CFTR: variants seen among roughly 807,000 people sequenced by gnomAD.
CFTR encodes CF transmembrane conductance regulator, also known as cystic fibrosis transmembrane conductance regulator.
CFTR carries 181 observed loss-of-function variants against 171.6 expected under a neutral mutation model. That is an observed-to-expected ratio of 1.05 (90% CI 0.93 to 1.19). CFTR has a LOEUF of 1.19. Among genes scored for constraint, CFTR ranks in the 50% most tolerant of loss-of-function variants. The probability of loss-of-function intolerance (pLI) is 0.00; values close to 1 mark genes in which losing one functional copy is unlikely to be tolerated. For missense variants in CFTR, 1,968 were observed against 1,734.7 expected, an observed-to-expected ratio of 1.13 and a Z score of -2.39; for synonymous variants, 583 against 608.0, an observed-to-expected ratio of 0.96 and a Z score of 0.60.
intron 23 of CFTR, among the ~76,000 whole-genome samples, chr7:117,648,770 G>T (rs1347327097): frequency 2.0e-5 from 3 of 152,090 alleles, no homozygotes; most frequent in Non-Finnish European, 4.4e-5. Context: ...AAACAGTTTA[G>T]AAAACAGAAC....
At chr7:117,498,248 C>T (rs908454541) in intron 1 of CFTR, among the ~76,000 whole-genome samples, 5 of 152,122 alleles carry the variant, frequency 3.3e-5, no homozygotes, top group Non-Finnish European at 7.4e-5. Flanking sequence ...AAGAACTTCT[C>T]CAAGTCCCTT....
At chr7:117,656,670 AG>A (rs1793188594) in intron 24 of CFTR, among the ~76,000 whole-genome samples, 1 of 152,218 alleles carries the variant, frequency 6.6e-6, no homozygotes, top group African/African-American at 2.4e-5. Context: ...ATTAAAGAAA[AG>A]GGAACATAAA....
At chr7:117,634,147 T>C (rs1034678737) in intron 22 of CFTR, among the ~76,000 whole-genome samples, 5 of 152,104 alleles carry the variant, frequency 3.3e-5, no homozygotes, top group Non-Finnish European at 7.4e-5. Context: ...TGGAAGGTCA[T>C]TAATTATTTT....
In CFTR at chr7:117,602,800, A is replaced by AG. The variant is rs776600589; in HGVS notation, c.2620-26_2620-25insG. The AG allele has an allele frequency of 1.2e-6, 2 of 1,612,312 alleles. No homozygotes were observed. Among genetic ancestry groups the AG allele is most frequent in the Non-Finnish European group, 1.7e-6 (2 of 1,178,378 alleles). Reference sequence around the variant, plus strand: ...AATAGGTGAAGATGTTAGAAAAAAAATCAACTGTGTCTTGTTCCATTCCAG... The same window carrying AG: ...AATAGGTGAAGATGTTAGAAAAAAAAGTCAACTGTGTCTTGTTCCATTCCAG... On this transcript the variant is annotated intron_variant, in intron 15 of 26. Transcript: ENST00000003084.
At chr7:117,665,814 T>C (rs1251768901) in intron 26 of CFTR, among the ~76,000 whole-genome samples, 1 of 152,218 alleles carries the variant, frequency 6.6e-6, no homozygotes, top group Non-Finnish European at 1.5e-5. Flanking sequence ...AAATAGGATA[T>C]ATATACTTTT....
intron 11 of CFTR, among the ~76,000 whole-genome samples, chr7:117,562,967 A>G (rs1332022564): frequency 2.0e-5 from 3 of 152,184 alleles, no homozygotes; most frequent in Admixed American, 2.0e-4. Context: ...AGGCCATGTC[A>G]TGGAGGCCTT....
Position 117,534,514 on chromosome 7 carries a change from A to G in CFTR, c.579+149A>G, listed in dbSNP as rs1011958889. ...CTATTCTGGAAACTAAGAAAGGTCAATTGTATAGCAGAGCACCATTCTGGG... is the reference window on the plus strand; with the variant it reads ...CTATTCTGGAAACTAAGAAAGGTCAGTTGTATAGCAGAGCACCATTCTGGG... On this transcript the variant is annotated intron_variant, in intron 5 of 26. Coordinates refer to ENST00000003084, the MANE Select transcript of CFTR (RefSeq NM_000492.4). The G allele has an allele frequency of 1.1e-4, 70 of 658,200 alleles. No individual in the cohort carries two copies. The African/African-American group carries it at 1.1e-3, about 11-fold the overall frequency. 40.8% of individuals were successfully genotyped at this position (658,200 alleles called of 1,614,324 possible).
intron 3 of CFTR, among the ~76,000 whole-genome samples, chr7:117,516,233 A>T (rs1386485021): frequency 6.7e-6 from 1 of 149,258 alleles, no homozygotes; most frequent in East Asian, 1.9e-4. Flanking sequence ...AAGGTTCAGC[A>T]TTTTTTTTTT....
intron 3 of CFTR, among the ~76,000 whole-genome samples, chr7:117,518,621 G>A (rs1348314548): frequency 6.7e-6 from 1 of 149,574 alleles, no homozygotes; most frequent in Admixed American, 6.7e-5. Context: ...TTTAGAGACA[G>A]GGTCTCATCA....
At chr7:117,524,677 A>G (rs1453396494) in intron 3 of CFTR, among the ~76,000 whole-genome samples, 1 of 152,200 alleles carries the variant, frequency 6.6e-6, no homozygotes, top group East Asian at 1.9e-4. Flanking sequence ...TACATATGGA[A>G]CTTTGTAAAA....
At chr7:117,546,112 G>T (rs1799143021) in intron 9 of CFTR, among the ~76,000 whole-genome samples, 1 of 152,064 alleles carries the variant, frequency 6.6e-6, no homozygotes, top group African/African-American at 2.4e-5. Context: ...TCCTGCCTCA[G>T]CCTCCTGAGT....
chr7:117,587,905 T>C, intron 12 of CFTR, 72 bp downstream of exon 12: 1 of 920,610 alleles, frequency 1.1e-6, no homozygotes, highest in South Asian at 1.4e-5. Context: ...TACAGACATT[T>C]CTCTATTGCT....
At chr7:117,480,191 G>C (rs1237251311) in intron 1 of CFTR, 44 bp downstream of exon 1, 3 of 1,583,902 alleles carry the variant, frequency 1.9e-6, no homozygotes, top group South Asian at 1.1e-5. Context: ...ACGTGCCCAC[G>C]AAAGAGGAGG....
At chr7:117,520,376 C>T (rs1798667285) in intron 3 of CFTR, among the ~76,000 whole-genome samples, 1 of 150,716 alleles carries the variant, frequency 6.6e-6, no homozygotes, top group South Asian at 2.1e-4. Flanking sequence ...TTATAAAGGC[C>T]CATGCCACCC....
chr7:117,573,094 C>A (rs1562902558), intron 11 of CFTR, among the ~76,000 whole-genome samples: 1 of 151,546 alleles, frequency 6.6e-6, no homozygotes, highest in Non-Finnish European at 1.5e-5. Flanking sequence ...ATAGCAACAC[C>A]CTATATCATT....
intron 1 of CFTR, among the ~76,000 whole-genome samples, chr7:117,502,538 T>A (rs189033378): frequency 4.8e-4 from 73 of 152,342 alleles, no homozygotes; most frequent in Non-Finnish European, 9.7e-4. Context: ...TGTCCCAGAT[T>A]TTTTTACAGC....
intron 23 of CFTR, among the ~76,000 whole-genome samples, chr7:117,646,506 A>C (rs191984490): frequency 6.6e-6 from 1 of 152,128 alleles, no homozygotes; most frequent in Non-Finnish European, 1.5e-5. Context: ...GCTGAGGGGC[A>C]AAAGGTCAGA....
At chr7:117,558,980 C>T (rs1468036778) in intron 10 of CFTR, among the ~76,000 whole-genome samples, 1 of 152,218 alleles carries the variant, frequency 6.6e-6, no homozygotes, top group African/African-American at 2.4e-5. Flanking sequence ...TGACTTTATA[C>T]TCCAAGAAAG....
chr7:117,667,461 A>G lies in CFTR; in HGVS notation c.*353A>G, dbSNP rs1400037100. The G allele has an allele frequency of 5.7e-6, 2 of 348,744 alleles. No individual in the cohort carries two copies. The highest frequency in any genetic ancestry group is 1.5e-4 in the East Asian group (2 of 13,628). 21.6% of individuals were successfully genotyped at this position (348,744 alleles called of 1,614,324 possible). On this transcript the variant is annotated 3_prime_UTR_variant, in exon 27 of 27. Coordinates refer to ENST00000003084, the MANE Select transcript of CFTR (RefSeq NM_000492.4). ...AGCCTAGTTGATCAGCTTATTGTCT[A>G]GTGAAACTCGTTAATTTGTAGTGTT...
Sources: allele counts gnomAD v4.1 joint callset (sites outside exome capture counted in the v4.1 genomes callset), GRCh38; gene constraint gnomAD v4.1.1; transcripts MANE v1.5; gene names NCBI Gene and HGNC (gene_info 2026-07-23, HGNC 2026-07-21).